Variants in GTF3C1 observed in about 807,000 individuals in gnomAD.
GTF3C1 encodes general transcription factor IIIC subunit 1.
Under a neutral mutation model 226.7 loss-of-function variants are expected in GTF3C1, and 57 were observed. That is an observed-to-expected ratio of 0.25 (90% CI 0.20 to 0.31). GTF3C1 has a LOEUF of 0.31. Ranked by LOEUF, GTF3C1 falls within the 10% of genes least tolerant of loss-of-function variation. The pLI is 1.00. For synonymous variants in GTF3C1, 1,090 were observed against 1,084.8 expected (o/e 1.00, Z -0.09); for missense variants, 2,217 against 2,776.1 (o/e 0.80, Z 4.53).
intron 9 of GTF3C1, 151 bp downstream of exon 9, chr16:27,506,696 C>T: frequency 3.4e-6 from 2 of 595,530 alleles, no homozygotes; most frequent in East Asian, 5.6e-5. Flanking sequence ...CCTCCAAACC[C>T]ATGATGATGT....
intron 29 of GTF3C1, among the ~76,000 whole-genome samples, chr16:27,475,089 C>G (rs926133538): frequency 6.6e-6 from 1 of 152,268 alleles, no homozygotes; most frequent in Admixed American, 6.5e-5. Context: ...CCAGTCCTCC[C>G]TGCCCCGCTG....
chr16:27,498,107 AAGTC>A (rs1282934414), intron 13 of GTF3C1, among the ~76,000 whole-genome samples: 1 of 152,216 alleles, frequency 6.6e-6, no homozygotes, highest in Non-Finnish European at 1.5e-5. Context: ...TCAACGCTAG[AAGTC>A]AGTAATTATA....
At chr16:27,546,521 T>C (rs1447979685) in intron 1 of GTF3C1, among the ~76,000 whole-genome samples, 3 of 147,172 alleles carry the variant, frequency 2.0e-5, no homozygotes, top group Non-Finnish European at 4.5e-5. Flanking sequence ...TATATATATA[T>C]AATTTTTTTT....
At chr16:27,464,281 G>A in intron 34 of GTF3C1, 39 bp downstream of exon 34, 1 of 1,363,040 alleles carries the variant, frequency 7.3e-7, no homozygotes, top group Non-Finnish European at 9.7e-7. Flanking sequence ...GGAAAGCCAG[G>A]GTGGGGTGAG....
chr16:27,520,097 A>G (rs1169123407), intron 6 of GTF3C1, among the ~76,000 whole-genome samples: 1 of 152,180 alleles, frequency 6.6e-6, no homozygotes, highest in Admixed American at 6.5e-5. Flanking sequence ...TGGGTGAGAC[A>G]GAGTGAGACC....
chr16:27,546,390 G>A lies in GTF3C1; in HGVS notation c.222-867C>T, dbSNP rs1468218247. Among the ~76,000 whole-genome samples, 4 of 146,288 alleles carry A rather than the reference G, an allele frequency of 2.7e-5. No individual in the cohort carries two copies. In the East Asian group the frequency reaches 8.0e-4, roughly 29 times the overall value. ...GTCCCTTCTTTCCCCTCTTACTACC[G>A]CTTTCTTCCATGTGCCTCTTACAAC... is the stretch of plus-strand genomic sequence containing the variant. On this transcript the variant is annotated intron_variant, in intron 1 of 36. Transcript: ENST00000356183.
At chr16:27,484,165 A>T in intron 25 of GTF3C1, 46 bp downstream of exon 25, 1 of 1,436,028 alleles carries the variant, frequency 7.0e-7, no homozygotes, top group Non-Finnish European at 9.8e-7. Flanking sequence ...AGCAAACGGG[A>T]TAACGTAACC....
intron 2 of GTF3C1, among the ~76,000 whole-genome samples, chr16:27,544,440 G>C (rs991408988): frequency 6.6e-6 from 1 of 151,732 alleles, no homozygotes; most frequent in African/African-American, 2.4e-5. Flanking sequence ...AGGTGGAAAA[G>C]AGCAGGGGTA....
rs1312889960 is a variant in GTF3C1 at position 27,464,455 on chromosome 16, G to A, written c.5737C>T (p.Pro1913Ser). The A allele has an allele frequency of 2.8e-5, 45 of 1,597,742 alleles. No individual in the cohort carries two copies. Among genetic ancestry groups the A allele is most frequent in the Non-Finnish European group, 3.4e-5 (40 of 1,172,628 alleles). The change falls in exon 34 of 37, where the codon CCC becomes TCC. Residue 1913 changes from proline (P) to serine (S), a missense_variant. By Grantham distance (74) the Pro-to-Ser change is moderately conservative. Around this residue, in one of 12 missense-constraint regions of GTF3C1, gnomAD observed 455 missense variants for 441.9 expected, o/e 1.03. Coordinates refer to ENST00000356183, the MANE Select transcript of GTF3C1 (RefSeq NM_001520.4). The part of the protein sequence containing the change: ...DGAEAQAPSP[P>S]PALEDTAAAG... ...GCAGCGGTGTCTTCAAGAGCTGGGG[G>A]TGGAGATGGGGCCTGGGCTTCTGCC...
chr16:27,506,794 G>T, intron 9 of GTF3C1, 53 bp downstream of exon 9: 1 of 1,353,202 alleles, frequency 7.4e-7, no homozygotes, highest in Non-Finnish European at 1.0e-6. Flanking sequence ...GTTTCTTGCA[G>T]GTGCCCAGCA....
intron 12 of GTF3C1, among the ~76,000 whole-genome samples, chr16:27,499,995 C>T (rs957610987): frequency 2.0e-5 from 3 of 152,258 alleles, no homozygotes; most frequent in East Asian, 1.9e-4. Flanking sequence ...GAGGCCTGGG[C>T]ACTTTCATTT....
chr16:27,465,274 C>G lies in GTF3C1; in HGVS notation c.5341G>C (p.Ala1781Pro), dbSNP rs774889030. Residue 1781 changes from alanine (A) to proline (P), a missense_variant, in exon 33 of 37, where the codon GCA becomes CCA. Physicochemically the swap from Ala to Pro is conservative, Grantham distance 27. Transcript: ENST00000356183. ...KAGGGRTRTF[A>P]DCIQALLEQH... The stretch of plus-strand genomic sequence containing the variant: ...GCACAGCTCACCTGGATGCAATCTG[C>G]GAATGTCCTGGTGCGCCCACCACCT... 1 of 1,614,064 alleles carries G rather than the reference C, an allele frequency of 6.2e-7. No individual in the cohort carries two copies. The highest frequency in any genetic ancestry group is 1.7e-5 in the Admixed American group (1 of 60,024).
Position 27,493,216 on chromosome 16 carries a change from C to G in GTF3C1, c.2859G>C (p.Gln953His), listed in dbSNP as rs760028544. 1 of 1,605,284 alleles carries G rather than the reference C, an allele frequency of 6.2e-7. No homozygotes were observed. Among genetic ancestry groups the G allele is most frequent in the South Asian group, 1.1e-5 (1 of 90,900 alleles). ...LIRFLPRPIR[Q>H]QLLYKRRYIF... ...GGCCTCACCTCTTGTACAGAAGCTG[C>G]TGCCGAATGGGCCTGGGGAGAAAGC... is the stretch of plus-strand genomic sequence containing the variant. Residue 953 changes from glutamine (Q) to histidine (H), a missense_variant, in exon 17 of 37, where the codon CAG (glutamine) becomes CAC (histidine). Physicochemically the swap from Gln to His is conservative, Grantham distance 24. This residue lies in a region of GTF3C1 where 353 missense variants were observed against 411.7 expected (regional missense o/e 0.86). Transcript: ENST00000356183.
chr16:27,509,430 G>C (rs764663163), intron 7 of GTF3C1, among the ~76,000 whole-genome samples: 3 of 152,190 alleles, frequency 2.0e-5, no homozygotes, highest in Non-Finnish European at 4.4e-5. Flanking sequence ...CCGCAAGGCA[G>C]ACTTGGTTGC....
At chr16:27,479,337 T>A (rs1362633267) in intron 27 of GTF3C1, among the ~76,000 whole-genome samples, 2 of 152,182 alleles carry the variant, frequency 1.3e-5, no homozygotes, top group Non-Finnish European at 2.9e-5. Flanking sequence ...TTGAGTTTCA[T>A]GTAATATTAT....
rs752811341 is a variant in GTF3C1, at chr16:27,489,736, C to T, written c.3159G>A (p.Val1053=). ...CVCLNTPLGV[V]RCPRVRKNSS... The stretch of plus-strand genomic sequence containing the variant: ...TGTTCTTCCTGACGCGCGGGCAGCG[C>T]ACCACGCCTGGAAAACCAAACATCA... Residue 1053 remains valine, a synonymous_variant, in exon 20 of 37, where the codon GTG becomes GTA. Transcript: ENST00000356183. The T allele has an allele frequency of 6.2e-7, 1 of 1,611,110 alleles. No homozygotes were observed. The highest frequency in any genetic ancestry group is 2.2e-5 in the East Asian group (1 of 44,870).
chr16:27,482,919 T>C (rs1160284429), intron 26 of GTF3C1, 125 bp downstream of exon 26: 2 of 751,782 alleles, frequency 2.7e-6, no homozygotes, highest in African/African-American at 3.5e-5. Flanking sequence ...ATTTCTCAAG[T>C]GAGCAGGAAA....
chr16:27,498,704 G>T lies in GTF3C1; in HGVS notation c.2091C>A (p.Asp697Glu). 6.3e-7 allele frequency: 1 copy of T among 1,599,714 alleles called. No individual in the cohort carries two copies. Among genetic ancestry groups the T allele is most frequent in the Non-Finnish European group, 8.6e-7 (1 of 1,166,838 alleles). ...CACTTCTCACTAGAGGGTCGTTCTG[G>T]TCCATGGACGGGTGCACCACCAGAT... ...KVDLVVHPSM[D>E]QNDPLVRSAI... Residue 697 changes from aspartate (D) to glutamate (E), a missense_variant, in exon 13 of 37, where the codon GAC (aspartate) becomes GAA (glutamate). By Grantham distance (45) the Asp-to-Glu change is conservative. Around this residue, in one of 12 missense-constraint regions of GTF3C1, gnomAD observed 100 missense variants for 139.9 expected, o/e 0.71. Transcript: ENST00000356183.
In GTF3C1 at chr16:27,469,325, G is replaced by A; in HGVS notation, c.5040C>T (p.Arg1680=). The part of the protein sequence containing the change: ...VNSCQMKFQL[R]CTPVPARLRP... ...TGAGCCGGGCGGGCACAGGGGTGCA[G>A]CGGAGCTGGAACTTCATCTGGCAGG... The change falls in exon 32 of 37, where the codon CGC becomes CGT. Residue 1680 remains arginine, a synonymous_variant. Transcript: ENST00000356183. This position sits in a 1 kb window ranked among gnomAD's most constrained non-coding sequence, Gnocchi z 4.5. 6.3e-7 allele frequency: 1 copy of A among 1,582,510 alleles called. No individual in the cohort carries two copies. Among genetic ancestry groups the A allele is most frequent in the South Asian group, 1.1e-5 (1 of 87,114 alleles).
Sources: allele counts gnomAD v4.1 joint callset (sites outside exome capture counted in the v4.1 genomes callset), GRCh38; gene constraint gnomAD v4.1.1; regional missense constraint gnomAD v4.1.1; non-coding constraint Gnocchi (gnomAD v3.1); transcripts MANE v1.5; gene names NCBI Gene and HGNC (gene_info 2026-07-23, HGNC 2026-07-21).